Variants in ABLIM1 observed in about 807,000 individuals in gnomAD.
ABLIM1 encodes the protein actin binding LIM protein 1.
Under a neutral mutation model 107.0 loss-of-function variants are expected in ABLIM1, and 40 were observed. The observed-to-expected ratio is 0.37, with a 90% CI of 0.29 to 0.49. ABLIM1 has a LOEUF of 0.49. ABLIM1 is among the 20% of genes least tolerant of loss of function. The pLI is 0.97. For synonymous variants in ABLIM1, 357 were observed against 357.3 expected, an observed-to-expected ratio of 1.00 and a Z score of 0.01; for missense variants, 857 against 1,008.5, an observed-to-expected ratio of 0.85 and a Z score of 2.04.
intron 21 of ABLIM1, 127 bp downstream of exon 21, chr10:114,439,049 A>C: frequency 9.0e-7 from 1 of 1,110,146 alleles, no homozygotes; most frequent in East Asian, 2.5e-5. Context: ...CAAGGTGCAT[A>C]TTCATGACAT....
At chr10:114,571,427 C>T in intron 3 of ABLIM1, 21 bp from the exon 4 acceptor site, 1 of 1,606,170 alleles carries the variant, frequency 6.2e-7, no homozygotes, top group Non-Finnish European at 8.5e-7. Context: ...AAAGACATCG[C>T]CCTCAAGGTT....
intron 1 of ABLIM1, 86 bp downstream of exon 1, chr10:114,657,871 T>C: frequency 1.7e-6 from 2 of 1,157,788 alleles, no homozygotes; most frequent in Non-Finnish European, 2.5e-6. Flanking sequence ...AAGAACACAT[T>C]ACAGAAGAAT....
At chr10:114,787,320 G>A in the ABLIM1 span, among the ~76,000 whole-genome samples, 2 of 151,920 alleles carry the variant, frequency 1.3e-5, no homozygotes, top group African/African-American at 4.8e-5. Flanking sequence ...TCTGAGAAGT[G>A]AGGAGCCCCT....
At chr10:114,586,995 T>A (rs1317791493) in intron 2 of ABLIM1, among the ~76,000 whole-genome samples, 1 of 152,214 alleles carries the variant, frequency 6.6e-6, no homozygotes, top group Non-Finnish European at 1.5e-5. Flanking sequence ...TTCATCCACT[T>A]TACTCTACAA....
At chr10:114,767,909 GC>G (rs1250080054) in intron 1 of ABLIM1, among the ~76,000 whole-genome samples, 1 of 152,062 alleles carries the variant, frequency 6.6e-6, no homozygotes, top group Non-Finnish European at 1.5e-5. Flanking sequence ...TCCTTCCCCT[GC>G]CCCCGGCCCC....
At chr10:114,476,928 T>A (rs977482099) in intron 8 of ABLIM1, among the ~76,000 whole-genome samples, 3 of 152,132 alleles carry the variant, frequency 2.0e-5, no homozygotes, top group Non-Finnish European at 2.9e-5. Flanking sequence ...GAATGTCTAC[T>A]GCCCACTTAC....
the ABLIM1 span, among the ~76,000 whole-genome samples, chr10:114,783,163 T>C: frequency 5.3e-5 from 8 of 151,932 alleles, no homozygotes; most frequent in Admixed American, 2.0e-4. Flanking sequence ...GTGCCTGTAA[T>C]CCCAGCTACT....
At chr10:114,659,892 A>G (rs1028778683), upstream of ABLIM1, among the ~76,000 whole-genome samples, 1 of 152,204 alleles carries the variant, frequency 6.6e-6, no homozygotes, top group African/African-American at 2.4e-5. Context: ...GGGTCCTTCC[A>G]CAAAGGCCCC....
chr10:114,673,256 TAAA>T (rs10712808), intron 1 of ABLIM1, among the ~76,000 whole-genome samples: 9 of 130,158 alleles, frequency 6.9e-5, no homozygotes, highest in Non-Finnish European at 9.8e-5. Flanking sequence ...AGACTCCAGC[TAAA>T]AAAAAAAAAA....
intron 1 of ABLIM1, among the ~76,000 whole-genome samples, chr10:114,730,397 C>CAAAAAAA (rs59713925): frequency 2.7e-5 from 2 of 73,128 alleles, no homozygotes; most frequent in African/African-American, 5.1e-5. Context: ...AACTCCATCT[C>CAAAAAAA]AAAAAAAAAA....
At chr10:114,541,429 C>G (rs544684273) in intron 6 of ABLIM1, among the ~76,000 whole-genome samples, 1 of 152,180 alleles carries the variant, frequency 6.6e-6, no homozygotes, top group East Asian at 1.9e-4. Context: ...GTATTTACAA[C>G]AAATCCACCA....
intron 1 of ABLIM1, among the ~76,000 whole-genome samples, chr10:114,744,048 A>C (rs1227300112): frequency 1.3e-5 from 2 of 152,220 alleles, no homozygotes; most frequent in Non-Finnish European, 2.9e-5. Context: ...TTGGGAGACC[A>C]TGAGATGTGG....
intron 6 of ABLIM1, among the ~76,000 whole-genome samples, chr10:114,500,022 T>C (rs1317157756): frequency 6.6e-6 from 1 of 152,190 alleles, no homozygotes; most frequent in Non-Finnish European, 1.5e-5. Flanking sequence ...TAAATATGTA[T>C]CCTGGGCAAA....
intron 1 of ABLIM1, among the ~76,000 whole-genome samples, chr10:114,644,280 CAAAAAAAAAAA>C (rs1170954656): frequency 1.1e-4 from 2 of 18,636 alleles, no homozygotes; most frequent in African/African-American, 1.7e-4. Flanking sequence ...GACTCCATCT[CAAAAAAAAAAA>C]AAAAAAAAAA....
Position 114,494,138 on chromosome 10 carries a change from G to A in ABLIM1, c.895-2260C>T, listed in dbSNP as rs80045687. 7.1e-3 allele frequency among the ~76,000 whole-genome samples: 1,088 copies of A among 152,244 alleles called. 18 individuals carry two copies. Among genetic ancestry groups the A allele is most frequent in the African/African-American group, 0.025 (1,032 of 41,544 alleles). On this transcript the variant is annotated intron_variant, in intron 6 of 22. Coordinates refer to ENST00000533213, the MANE Select transcript of ABLIM1 (RefSeq NM_002313.7). Reference sequence around the variant, plus strand: ...GAATTCAGTTTATGATAAAGGTAATGGTTCAAATGAGCCGAAAGAATGGAT... The same window carrying A: ...GAATTCAGTTTATGATAAAGGTAATAGTTCAAATGAGCCGAAAGAATGGAT...
chr10:114,481,182 T>A (rs2134362469), intron 8 of ABLIM1, among the ~76,000 whole-genome samples: 1 of 152,128 alleles, frequency 6.6e-6, no homozygotes, highest in South Asian at 2.1e-4. Context: ...GCCGGTTGAG[T>A]AAGTAGATAA....
At chr10:114,662,811 A>T (rs1435920657), upstream of ABLIM1, among the ~76,000 whole-genome samples, 2 of 152,244 alleles carry the variant, frequency 1.3e-5, no homozygotes, top group African/African-American at 4.8e-5. Flanking sequence ...AAGCGTAATT[A>T]GTTTAACAGG....
chr10:114,796,581 G>A, the ABLIM1 span, among the ~76,000 whole-genome samples: 2 of 152,320 alleles, frequency 1.3e-5, no homozygotes, highest in East Asian at 1.9e-4. Flanking sequence ...CACTGCAGGA[G>A]GGTACTACAC....
At chr10:114,587,041 T>C (rs562547201) in intron 2 of ABLIM1, among the ~76,000 whole-genome samples, 4 of 152,346 alleles carry the variant, frequency 2.6e-5, no homozygotes, top group South Asian at 2.1e-4. Flanking sequence ...ATGTCCTACA[T>C]AGAATGATCC....
Sources: allele counts gnomAD v4.1 joint callset (sites outside exome capture counted in the v4.1 genomes callset), GRCh38; gene constraint gnomAD v4.1.1; transcripts MANE v1.5; gene names NCBI Gene and HGNC (gene_info 2026-07-23, HGNC 2026-07-21).